Variants in COL23A1 observed in about 807,000 individuals in gnomAD.
COL23A1 encodes collagen alpha-1(XXIII) chain.
In COL23A1, 97 loss-of-function variants were observed where a neutral mutation model predicts 99.3. That is an observed-to-expected ratio of 0.98 (90% CI 0.83 to 1.16). The LOEUF (loss-of-function observed/expected upper bound fraction) is 1.16. Among genes scored for constraint, COL23A1 ranks in the 50% most tolerant of loss-of-function variants. The pLI, the probability that COL23A1 is intolerant of heterozygous loss-of-function variation, is 0.00. For synonymous variants in COL23A1, 320 were observed against 308.2 expected, an observed-to-expected ratio of 1.04 and a Z score of -0.40; for missense variants, 762 against 757.4, an observed-to-expected ratio of 1.01 and a Z score of -0.07.
At chr5:178,517,498 C>T (rs78124314) in intron 2 of COL23A1, among the ~76,000 whole-genome samples, 9,195 of 149,332 alleles carry the variant, frequency 0.062, 314 homozygotes, top group Middle Eastern at 0.11. Flanking sequence ...CTTAGCCTCA[C>T]GACAGGTTCC....
rs1266866420 is a variant in COL23A1, at chr5:178,309,766, C to T, written c.362-2847G>A. Among the ~76,000 whole-genome samples, 2 of 151,810 alleles carry T rather than the reference C, an allele frequency of 1.3e-5. No homozygotes were observed. Among genetic ancestry groups the T allele is most frequent in the South Asian group, 2.1e-4 (1 of 4,800 alleles). ...GGACCCCTTCCTTCTCAGCATCAGGCGAACGCTGCCCCTGCACTCAGTCCC... is the reference window on the plus strand; with the variant it reads ...GGACCCCTTCCTTCTCAGCATCAGGTGAACGCTGCCCCTGCACTCAGTCCC... On this transcript the variant is annotated intron_variant, in intron 2 of 28. Coordinates refer to ENST00000390654, the MANE Select transcript of COL23A1 (RefSeq NM_173465.4). This position sits in a 1 kb window ranked among gnomAD's most constrained non-coding sequence, Gnocchi z 4.7.
At chr5:178,252,493 G>A in intron 17 of COL23A1, 51 bp downstream of exon 17, 1 of 1,534,310 alleles carries the variant, frequency 6.5e-7, no homozygotes, top group South Asian at 1.2e-5. Context: ...AGAGGGAGGT[G>A]GGCCCTGGAG....
At chr5:178,520,309 T>C (rs975994983) in intron 2 of COL23A1, among the ~76,000 whole-genome samples, 8 of 152,134 alleles carry the variant, frequency 5.3e-5, no homozygotes, top group African/African-American at 1.7e-4. Flanking sequence ...TAGCCAGTCA[T>C]TGGTTCCCCA....
rs114552178 is a variant in COL23A1 at position 178,417,744 on chromosome 5, C to A, written c.362-110825G>T. On this transcript the variant is annotated intron_variant, in intron 2 of 28. Coordinates refer to ENST00000390654, the MANE Select transcript of COL23A1 (RefSeq NM_173465.4). ...GCCCGCTTCATCCAGGCCAAGGAGA[C>A]GGAGTTCATTAGCAGAACACATGTG... Among the ~76,000 whole-genome samples, 530 of 152,260 alleles carry A rather than the reference C, an allele frequency of 3.5e-3. 4 individuals carry two copies. Among genetic ancestry groups the A allele is most frequent in the African/African-American group, 0.012 (496 of 41,546 alleles).
chr5:178,316,371 T>C (rs918469588), intron 2 of COL23A1, among the ~76,000 whole-genome samples: 2 of 152,204 alleles, frequency 1.3e-5, no homozygotes, highest in Non-Finnish European at 1.5e-5. Flanking sequence ...CTTATTAGTT[T>C]AATAAGAAAA....
At chr5:178,246,161 A>G (rs944755440) in intron 24 of COL23A1, 93 bp downstream of exon 24, 11 of 820,834 alleles carry the variant, frequency 1.3e-5, no homozygotes, top group Admixed American at 9.7e-5. Context: ...AAGTGCAGGG[A>G]CCCAGTGAGG....
chr5:178,359,755 G>C (rs1194797530), intron 2 of COL23A1, among the ~76,000 whole-genome samples: 2 of 152,348 alleles, frequency 1.3e-5, no homozygotes, highest in East Asian at 3.9e-4. Context: ...AAGCTGGGAG[G>C]GGGCCCAGGC....
At chr5:178,430,213 C>T (rs1766181129) in intron 2 of COL23A1, among the ~76,000 whole-genome samples, 1 of 152,198 alleles carries the variant, frequency 6.6e-6, no homozygotes, top group South Asian at 2.1e-4. Context: ...TTTCCTGTCT[C>T]CCGAGAACGA....
At chr5:178,464,557 T>G (rs759018354) in intron 2 of COL23A1, among the ~76,000 whole-genome samples, 12 of 152,198 alleles carry the variant, frequency 7.9e-5, no homozygotes, top group Non-Finnish European at 1.3e-4. Context: ...CACGTTGCTA[T>G]TCGTAAGGTC....
At chr5:178,427,867 CTATAA>C (rs1476328808) in intron 2 of COL23A1, among the ~76,000 whole-genome samples, 1 of 152,156 alleles carries the variant, frequency 6.6e-6, no homozygotes, top group African/African-American at 2.4e-5. Context: ...CTGTATGATA[CTATAA>C]TGGTGGATAC....
At chr5:178,423,272 A>T (rs1765732324) in intron 2 of COL23A1, among the ~76,000 whole-genome samples, 1 of 152,148 alleles carries the variant, frequency 6.6e-6, no homozygotes, top group African/African-American at 2.4e-5. Flanking sequence ...GGGATGAAGC[A>T]CTGGGTCCAG....
intron 8 of COL23A1, among the ~76,000 whole-genome samples, chr5:178,264,103 T>G (rs1156437491): frequency 6.6e-6 from 1 of 152,064 alleles, no homozygotes; most frequent in East Asian, 1.9e-4. Flanking sequence ...GAGGGACCTT[T>G]GTGGGCTTAC....
At chr5:178,435,384 T>C (rs1447352659) in intron 2 of COL23A1, among the ~76,000 whole-genome samples, 1 of 152,042 alleles carries the variant, frequency 6.6e-6, no homozygotes, top group East Asian at 1.9e-4. Flanking sequence ...TCTTCACCTA[T>C]ATGTGGGGTG....
chr5:178,302,732 G>A (rs1257287763), intron 3 of COL23A1, among the ~76,000 whole-genome samples: 1 of 152,198 alleles, frequency 6.6e-6, no homozygotes, highest in Non-Finnish European at 1.5e-5. Context: ...ATCCACTGGT[G>A]TTATCACCTC....
At chr5:178,564,622 C>A (rs2113605787) in intron 1 of COL23A1, among the ~76,000 whole-genome samples, 1 of 152,232 alleles carries the variant, frequency 6.6e-6, no homozygotes, top group Middle Eastern at 3.4e-3. Context: ...TGGGCAAGTT[C>A]CCTTCTAGAA....
intron 5 of COL23A1, among the ~76,000 whole-genome samples, chr5:178,287,675 CCT>C (rs1198996031): frequency 3.3e-5 from 5 of 152,218 alleles, no homozygotes; most frequent in Non-Finnish European, 7.3e-5. Flanking sequence ...CTGCCCCTCC[CCT>C]GACGGCCCTG....
rs556262006 is a variant in COL23A1, at chr5:178,242,369, T to G, written c.1466A>C (p.Lys489Thr). The change falls in exon 26 of 29, where the codon AAA (lysine) becomes ACA (threonine). Residue 489 changes from lysine to threonine, a missense_variant. By Grantham distance (78) the Lys-to-Thr change is moderately conservative. Transcript: ENST00000390654. ...CTCTCCACGCTCGCTCCGATCACCT[T>G]TCTCTCCTCGGGGTCCAGGGAAACC... ...LDGFPGPRGEKGDRSERGEKG... is the reference protein window; with the variant it reads ...LDGFPGPRGETGDRSERGEKG... 2 of 1,614,134 alleles carry G rather than the reference T, an allele frequency of 1.2e-6. No individual in the cohort carries two copies. The highest frequency in any genetic ancestry group is 1.7e-5 in the Admixed American group (1 of 60,012).
chr5:178,524,408 C>T (rs1760194527), intron 2 of COL23A1, among the ~76,000 whole-genome samples: 1 of 152,202 alleles, frequency 6.6e-6, no homozygotes, highest in South Asian at 2.1e-4. Context: ...TGGGTATCAG[C>T]AGAGCCTGGT....
Position 178,521,336 on chromosome 5 carries a change from G to A in COL23A1, c.361+39346C>T, listed in dbSNP as rs571247905. ...TGGGAGGCCAAGGCAGGTGGATCAC[G>A]AGGTCAGGAGATGGAGACCATCCTG... On this transcript the variant is annotated intron_variant, in intron 2 of 28. Coordinates refer to ENST00000390654, the MANE Select transcript of COL23A1 (RefSeq NM_173465.4). Among the ~76,000 whole-genome samples the A allele has an allele frequency of 7.2e-5, 11 of 152,226 alleles. No individual in the cohort carries two copies. The South Asian group carries it at 8.3e-4, about 11-fold the overall frequency.
Sources: allele counts gnomAD v4.1 joint callset (sites outside exome capture counted in the v4.1 genomes callset), GRCh38; gene constraint gnomAD v4.1.1; non-coding constraint Gnocchi (gnomAD v3.1); transcripts MANE v1.5; gene names NCBI Gene and HGNC (gene_info 2026-07-23, HGNC 2026-07-21).